Variants in SPOCK2 observed in about 807,000 individuals in gnomAD.
SPOCK2 encodes the protein testican-2.
SPOCK2 carries 39 observed loss-of-function variants against 60.1 expected under a neutral mutation model. The observed-to-expected ratio is 0.65, with a 90% CI of 0.50 to 0.85. The LOEUF (loss-of-function observed/expected upper bound fraction) is 0.85, where lower values mean the gene tolerates loss of function less well. Among genes scored for constraint, SPOCK2 ranks in the 40% least tolerant of loss-of-function variants. The pLI, the probability that SPOCK2 is intolerant of heterozygous loss-of-function variation, is 0.00. For missense variants in SPOCK2, 523 were observed against 567.4 expected (o/e 0.92, Z 0.80); for synonymous variants, 217 against 231.5 (o/e 0.94, Z 0.57).
chr10:72,076,674 C>T (rs1840719227), intron 1 of SPOCK2, among the ~76,000 whole-genome samples: 1 of 152,176 alleles, frequency 6.6e-6, no homozygotes, highest in African/African-American at 2.4e-5. Context: ...CTGCCTTAGA[C>T]TCCTACAGTG....
At chr10:72,067,181 C>G in intron 7 of SPOCK2, 61 bp from the exon 8 acceptor site, 2 of 1,502,438 alleles carry the variant, frequency 1.3e-6, no homozygotes, top group Non-Finnish European at 1.8e-6. Flanking sequence ...CTCCAGCCCT[C>G]CATCTCTCCG....
chr10:72,061,615 CCT>C lies in SPOCK2; in HGVS notation c.*1143_*1144del, dbSNP rs2131807496. ...TCAGGGAGGAGGTGGGCACACACCC[CCT>C]TAGCCTAGACCCAGGCTCCTTGCCT... On this transcript the variant is annotated 3_prime_UTR_variant, in exon 11 of 11. Coordinates refer to ENST00000373109, the MANE Select transcript of SPOCK2 (RefSeq NM_001244950.2). 6.6e-6 allele frequency: 1 copy of C among 152,616 alleles called. No homozygotes were observed. Among genetic ancestry groups the C allele is most frequent in the Admixed American group, 6.5e-5 (1 of 15,308 alleles). 9.5% of individuals were successfully genotyped at this position (152,616 alleles called of 1,614,324 possible).
chr10:72,074,261 G>A (rs1840686474), intron 1 of SPOCK2, among the ~76,000 whole-genome samples: 4 of 152,142 alleles, frequency 2.6e-5, no homozygotes, highest in Admixed American at 6.5e-5. Flanking sequence ...GCTGGCAAGC[G>A]TCAGAGCAGG....
rs184884256 is a variant in SPOCK2, at chr10:72,061,984, G to C, written c.*776C>G. On this transcript the variant is annotated 3_prime_UTR_variant, in exon 11 of 11. Coordinates refer to ENST00000373109, the MANE Select transcript of SPOCK2 (RefSeq NM_001244950.2). Reference sequence around the variant, plus strand: ...GGACAGACCTCAGACAGCTTGGCGAGGCACCCTGTCCCTGGCCTCTCAGCT... The same window carrying C: ...GGACAGACCTCAGACAGCTTGGCGACGCACCCTGTCCCTGGCCTCTCAGCT... 4.4e-4 allele frequency: 68 copies of C among 153,470 alleles called. No homozygotes were observed. The East Asian group carries it at 0.011, about 26-fold the overall frequency. The allele number at this position is 153,470 out of a possible 1,614,324, so 9.5% of individuals were successfully genotyped here.
chr10:72,072,041 T>G, intron 4 of SPOCK2, 103 bp downstream of exon 4: 2 of 908,340 alleles, frequency 2.2e-6, no homozygotes, highest in Non-Finnish European at 3.1e-6. Context: ...TTTTACAATT[T>G]ATTTAACAGC....
At chr10:72,071,998 A>C in intron 4 of SPOCK2, 146 bp downstream of exon 4, 1 of 587,770 alleles carries the variant, frequency 1.7e-6, no homozygotes, top group South Asian at 3.4e-5. Context: ...AAATGATGTC[A>C]GATAATACAT....
Position 72,087,436 on chromosome 10 carries a change from T to TC in SPOCK2, c.189+703dup, listed in dbSNP as rs927281655. The stretch of plus-strand genomic sequence containing the variant: ...GAGCCTTCCTCTGGCTCCGAGCTGC[T>TC]CCCCTCGCTCCAGGCTGGATTCCCC... On this transcript the variant is annotated intron_variant, in intron 1 of 10. Transcript: ENST00000373109. The surrounding 1 kb of genome is among the most constrained non-coding windows in gnomAD (Gnocchi z 4.7). Among the ~76,000 whole-genome samples, 7 of 152,028 alleles carry TC rather than the reference T, an allele frequency of 4.6e-5. No individual in the cohort carries two copies. The highest frequency in any genetic ancestry group is 1.0e-4 in the Non-Finnish European group (7 of 67,992).
At chr10:72,083,640 C>T (rs1840817486) in intron 1 of SPOCK2, among the ~76,000 whole-genome samples, 2 of 152,208 alleles carry the variant, frequency 1.3e-5, no homozygotes, top group South Asian at 2.1e-4. Flanking sequence ...CTCTTCTCTC[C>T]CTCTCTTCCC....
intron 5 of SPOCK2, 124 bp downstream of exon 5, chr10:72,070,188 C>G (rs1017377802): frequency 1.2e-6 from 1 of 861,380 alleles, no homozygotes; most frequent in African/African-American, 1.7e-5. Flanking sequence ...ACACACTGAC[C>G]TTGCCATCTG....
chr10:72,063,626 C>A (rs1002184300), intron 9 of SPOCK2, among the ~76,000 whole-genome samples: 1 of 152,222 alleles, frequency 6.6e-6, no homozygotes, highest in Non-Finnish European at 1.5e-5. Context: ...GCTGAAGCTC[C>A]CAGGCGCCTG....
At position 72,086,393 on chromosome 10, in the gene SPOCK2, AG is replaced by A. The variant is rs145466842; in HGVS notation, c.189+1746del. On this transcript the variant is annotated intron_variant, in intron 1 of 10. Coordinates refer to ENST00000373109, the MANE Select transcript of SPOCK2 (RefSeq NM_001244950.2). ...AGCAGGTGGAAGAAGGGAGGTGGGG[AG>A]GAATCTTTTATTTTAAACCTTTCCT... is the stretch of plus-strand genomic sequence containing the variant. 1.5e-3 allele frequency: 1,520 copies of A among 999,926 alleles called. 15 individuals carry two copies. In the African/African-American group the frequency reaches 0.025, roughly 16 times the overall value. 61.9% of individuals were successfully genotyped at this position (999,926 alleles called of 1,614,324 possible). A position where few individuals can be genotyped will look rare whatever the true frequency, so the allele number is the denominator to read the frequency against.
intron 8 of SPOCK2, among the ~76,000 whole-genome samples, chr10:72,066,266 C>T (rs1840566407): frequency 5.9e-5 from 9 of 151,862 alleles, no homozygotes; most frequent in Admixed American, 5.9e-4. Context: ...AAGACCCTCA[C>T]TTGTACAGCC....
intron 8 of SPOCK2, 46 bp from the exon 9 acceptor site, chr10:72,064,286 G>C (rs201190500): frequency 1.0e-4 from 157 of 1,520,686 alleles, no homozygotes; most frequent in Non-Finnish European, 1.3e-4. Context: ...CCCTGGTGCT[G>C]GGGGGATGCA....
At chr10:72,078,896 AAT>A (rs1292251599) in intron 1 of SPOCK2, among the ~76,000 whole-genome samples, 1 of 152,190 alleles carries the variant, frequency 6.6e-6, no homozygotes, top group African/African-American at 2.4e-5. Flanking sequence ...GCCCTAGTTA[AAT>A]AGCCAGTTCC....
At chr10:72,075,580 G>A (rs912793052) in intron 1 of SPOCK2, among the ~76,000 whole-genome samples, 1 of 152,216 alleles carries the variant, frequency 6.6e-6, no homozygotes, top group East Asian at 1.9e-4. Context: ...AAGAATTTAT[G>A]ATTAGAAATT....
chr10:72,072,647 A>C (rs1463394737), intron 2 of SPOCK2, 99 bp from the exon 3 acceptor site: 9 of 1,550,028 alleles, frequency 5.8e-6, no homozygotes, highest in Non-Finnish European at 7.9e-6. Flanking sequence ...CAGCGATGTC[A>C]TGTGCCAATG....
At position 72,072,418 on chromosome 10, in the gene SPOCK2, C is replaced by T. The variant is rs1840660622; in HGVS notation, c.244+85G>A. ...CACCGGGGCCTGGCTGCTCAAGGAG[C>T]CCCCAAGCGGGCTAAGGGCTTGCCC... On this transcript the variant is annotated intron_variant, in intron 3 of 10. Coordinates refer to ENST00000373109, the MANE Select transcript of SPOCK2 (RefSeq NM_001244950.2). 3.1e-5 allele frequency: 49 copies of T among 1,587,288 alleles called. 5 individuals carry two copies. The South Asian group carries it at 5.6e-4, about 18-fold the overall frequency.
At chr10:72,065,610 T>A (rs1840557747) in intron 8 of SPOCK2, among the ~76,000 whole-genome samples, 1 of 152,172 alleles carries the variant, frequency 6.6e-6, no homozygotes, top group Admixed American at 6.5e-5. Flanking sequence ...CCTTGGGAAG[T>A]CCCCACCTCT....
chr10:72,082,396 C>T (rs565955969), intron 1 of SPOCK2, among the ~76,000 whole-genome samples: 6 of 152,344 alleles, frequency 3.9e-5, no homozygotes, highest in Non-Finnish European at 5.9e-5. Context: ...TGCAAGGAGA[C>T]GCGCAGAGAC....
Sources: allele counts gnomAD v4.1 joint callset (sites outside exome capture counted in the v4.1 genomes callset), GRCh38; gene constraint gnomAD v4.1.1; non-coding constraint Gnocchi (gnomAD v3.1); transcripts MANE v1.5; gene names NCBI Gene and HGNC (gene_info 2026-07-23, HGNC 2026-07-21).